CLDN16: variants seen among roughly 807,000 people sequenced by gnomAD.
CLDN16 encodes the protein claudin-16.
A neutral mutation model predicts 24.6 loss-of-function variants in CLDN16; 13 were observed. That is an observed-to-expected ratio of 0.53 (90% CI 0.34 to 0.84). The LOEUF (loss-of-function observed/expected upper bound fraction) is 0.84. Ranked by LOEUF, CLDN16 falls within the 40% of genes least tolerant of loss-of-function variation. The probability of loss-of-function intolerance (pLI) is 0.01; values close to 1 mark genes in which losing one functional copy is unlikely to be tolerated. For synonymous variants in CLDN16, 116 were observed against 106.7 expected (o/e 1.09, Z -0.54); for missense variants, 298 against 292.7 (o/e 1.02, Z -0.13).
At chr3:190,343,248 A>T (rs75940470) in intron 1 of CLDN16, among the ~76,000 whole-genome samples, 5,952 of 152,176 alleles carry the variant, frequency 0.039, 389 homozygotes, top group African/African-American at 0.13. Flanking sequence ...GATCATAAGC[A>T]ACTATAAGAT....
At chr3:190,408,594 T>C (rs1719167841) in intron 4 of CLDN16, 89 bp downstream of exon 4, 1 of 1,265,566 alleles carries the variant, frequency 7.9e-7, no homozygotes, top group Non-Finnish European at 1.1e-6. Context: ...GAAAAAAATG[T>C]TATTTATTTG....
rs1350111456 is a variant in CLDN16, at chr3:190,411,662, C to T, written c.*1626C>T. ...GAAAATGAGATTATGATTCCTACTA[C>T]ATGAATTAACGTTTCGAGATTGCTG... is the stretch of plus-strand genomic sequence containing the variant. On this transcript the variant is annotated 3_prime_UTR_variant, in exon 5 of 5. Transcript: ENST00000264734. 2.6e-5 allele frequency: 4 copies of T among 152,164 alleles called. No individual in the cohort carries two copies. Among genetic ancestry groups the T allele is most frequent in the African/African-American group, 9.7e-5 (4 of 41,450 alleles). The allele number at this position is 152,164 out of a possible 1,614,324, so 9.4% of individuals were successfully genotyped here.
intron 1 of CLDN16, among the ~76,000 whole-genome samples, chr3:190,345,944 A>C (rs1281099415): frequency 6.6e-6 from 1 of 152,046 alleles, no homozygotes; most frequent in Non-Finnish European, 1.5e-5. Flanking sequence ...GGTAGTGCTG[A>C]GCATATGCCA....
the CLDN16 span, among the ~76,000 whole-genome samples, chr3:190,314,269 A>G: frequency 2.0e-5 from 3 of 152,354 alleles, no homozygotes; most frequent in African/African-American, 7.2e-5. Flanking sequence ...AATATTGTCA[A>G]GATTGAGAAC....
the CLDN16 span, chr3:190,305,649 C>T: frequency 6.6e-6 from 1 of 152,106 alleles, no homozygotes; most frequent in Admixed American, 6.6e-5. Flanking sequence ...CCCAAGCCAC[C>T]TCCTCTACCA....
At chr3:190,321,382 G>A (rs1033620071), upstream of CLDN16, among the ~76,000 whole-genome samples, 1 of 152,134 alleles carries the variant, frequency 6.6e-6, no homozygotes, top group Non-Finnish European at 1.5e-5. Context: ...TCTCCAAAGA[G>A]TCTTGCAAGG....
Position 190,408,329 on chromosome 3 carries a change from T to C in CLDN16, c.398T>C (p.Ile133Thr), listed in dbSNP as rs1261570205. Residue 133 changes from isoleucine (I) to threonine (T), a missense_variant, in exon 4 of 5, where the codon ATT becomes ACT. Coordinates refer to ENST00000264734, the MANE Select transcript of CLDN16 (RefSeq NM_006580.4). ...TLLIAGTPGI[I>T]GSVWYAVDVY... ...TTTCTTTCAGGTACCCCAGGAATCA[T>C]TGGCTCTGTGTGGTATGCTGTTGAT... 6 of 1,614,010 alleles carry C rather than the reference T, an allele frequency of 3.7e-6. No homozygotes were observed. Among genetic ancestry groups the C allele is most frequent in the Middle Eastern group, 3.3e-4 (2 of 6,084 alleles).
chr3:190,408,642 A>G, intron 4 of CLDN16, 137 bp downstream of exon 4: 1 of 797,504 alleles, frequency 1.3e-6, no homozygotes, highest in Non-Finnish European at 2.0e-6. Context: ...CCAATTGTTC[A>G]AGGGCAATTG....
intron 1 of CLDN16, among the ~76,000 whole-genome samples, chr3:190,352,974 G>A (rs1175693034): frequency 6.6e-6 from 1 of 151,974 alleles, no homozygotes; most frequent in Non-Finnish European, 1.5e-5. Context: ...TCAGTATCTA[G>A]AAGCTTTATG....
At chr3:190,297,144 T>A in the CLDN16 span, among the ~76,000 whole-genome samples, 1 of 147,406 alleles carries the variant, frequency 6.8e-6, no homozygotes, top group East Asian at 2.0e-4. Context: ...GTAGTTTCAC[T>A]GATAACATTT....
At chr3:190,371,059 A>G (rs1304868181) in intron 2 of CLDN16, 2 of 126,900 alleles carry the variant, frequency 1.6e-5, no homozygotes, top group Non-Finnish European at 3.2e-5. Flanking sequence ...ATGCATATAT[A>G]AATTTATATA....
the CLDN16 span, among the ~76,000 whole-genome samples, chr3:190,303,369 A>T: frequency 6.6e-6 from 1 of 152,202 alleles, no homozygotes; most frequent in Admixed American, 6.5e-5. Context: ...GACAAAAATG[A>T]TTTCCAAAAA....
chr3:190,399,820 G>A (rs1718917347), intron 1 of CLDN16, among the ~76,000 whole-genome samples: 3 of 126,764 alleles, frequency 2.4e-5, no homozygotes, highest in South Asian at 5.3e-4. Flanking sequence ...GCTGTGCAGT[G>A]GGAGGTGAGC....
Position 190,354,745 on chromosome 3 carries a change from C to T in CLDN16, n.122-16148C>T, listed in dbSNP as rs189949804. Reference sequence around the variant, plus strand: ...GTTTCAGGCTTTGTGGCGTTTCTGCCGTTAAAGAATGAAGCAAACAGCTAG... The same window carrying T: ...GTTTCAGGCTTTGTGGCGTTTCTGCTGTTAAAGAATGAAGCAAACAGCTAG... On this transcript the variant is annotated intron_variant and non_coding_transcript_variant, in intron 1 of 4. Transcript: ENST00000468220. 3.7e-4 allele frequency among the ~76,000 whole-genome samples: 57 copies of T among 152,070 alleles called. No homozygotes were observed. In the South Asian group the frequency reaches 4.8e-3, roughly 13 times the overall value.
At chr3:190,306,942 T>G in the CLDN16 span, 11 of 152,710 alleles carry the variant, frequency 7.2e-5, no homozygotes, top group South Asian at 2.3e-3. Flanking sequence ...AATAGACTGG[T>G]AGAGAGAGGA....
intron 3 of CLDN16, chr3:190,374,617 G>A (rs928724189): frequency 6.6e-6 from 1 of 151,956 alleles, no homozygotes; most frequent in South Asian, 2.1e-4. Flanking sequence ...AGCATGTTAA[G>A]TTTTCAGTTT....
intron 1 of CLDN16, among the ~76,000 whole-genome samples, chr3:190,333,318 G>A (rs765160575): frequency 2.0e-5 from 3 of 152,072 alleles, no homozygotes; most frequent in Non-Finnish European, 4.4e-5. Flanking sequence ...CCCTAAAAGG[G>A]TATTAATTCT....
intron 1 of CLDN16, among the ~76,000 whole-genome samples, chr3:190,358,630 A>G (rs1217199767): frequency 6.6e-6 from 1 of 151,946 alleles, no homozygotes; most frequent in Non-Finnish European, 1.5e-5. Flanking sequence ...CCAAGATTTC[A>G]TAATTAATCT....
chr3:190,364,320 C>T (rs967262955), intron 1 of CLDN16, among the ~76,000 whole-genome samples: 3 of 151,870 alleles, frequency 2.0e-5, no homozygotes, highest in African/African-American at 7.2e-5. Context: ...GAGTCTGGAT[C>T]ACCCGTTCAT....
Sources: allele counts gnomAD v4.1 joint callset (sites outside exome capture counted in the v4.1 genomes callset), GRCh38; gene constraint gnomAD v4.1.1; transcripts MANE v1.5; gene names NCBI Gene and HGNC (gene_info 2026-07-23, HGNC 2026-07-21).